Variants in CNTN2 observed in about 807,000 individuals in gnomAD.
The protein encoded by CNTN2 is contactin 2.
Under a neutral mutation model 117.5 loss-of-function variants are expected in CNTN2, and 53 were observed. The observed-to-expected ratio is 0.45, with a 90% confidence interval of 0.36 to 0.57. The LOEUF (loss-of-function observed/expected upper bound fraction) is 0.57. Among genes scored for constraint, CNTN2 ranks in the 20% least tolerant of loss-of-function variants. The pLI is 0.00. For missense variants in CNTN2, 1,106 were observed against 1,404.3 expected (o/e 0.79, Z 3.39); for synonymous variants, 530 against 561.7 (o/e 0.94, Z 0.80).
At chr1:205,046,472 C>T (rs2096441736) in intron 1 of CNTN2, among the ~76,000 whole-genome samples, 1 of 152,210 alleles carries the variant, frequency 6.6e-6, no homozygotes, top group African/African-American at 2.4e-5. Flanking sequence ...GGTTCTCCCA[C>T]CCTGTGCCTG....
chr1:205,055,800 A>G (rs1384452544), intron 2 of CNTN2, among the ~76,000 whole-genome samples: 4 of 152,244 alleles, frequency 2.6e-5, no homozygotes, highest in Non-Finnish European at 5.9e-5. Context: ...TGTCAGGAAA[A>G]TAAGAAAATG....
chr1:205,069,810 A>G lies in CNTN2; in HGVS notation c.2197-17A>G, dbSNP rs750197529. ...CATGCCGCGGACCCTCGCCCATGCC[A>G]TGCTCTTGCCCCTCAGCCCATGTCA... On this transcript the variant is annotated splice_polypyrimidine_tract_variant and intron_variant, in intron 17 of 22. Coordinates refer to ENST00000331830, the MANE Select transcript of CNTN2 (RefSeq NM_005076.5). The G allele has an allele frequency of 1.2e-6, 2 of 1,608,720 alleles. No individual in the cohort carries two copies. The highest frequency in any genetic ancestry group is 1.7e-6 in the Non-Finnish European group (2 of 1,175,734).
intron 1 of CNTN2, among the ~76,000 whole-genome samples, chr1:205,047,187 T>C (rs1019426648): frequency 7.9e-5 from 12 of 152,102 alleles, no homozygotes; most frequent in African/African-American, 1.2e-4. Flanking sequence ...CTGGTCCCCA[T>C]TGGGGCTGAG....
chr1:205,072,239 T>C, intron 20 of CNTN2, 106 bp downstream of exon 20: 1 of 1,203,886 alleles, frequency 8.3e-7, no homozygotes, highest in Non-Finnish European at 1.2e-6. Flanking sequence ...GCCCACCAGC[T>C]CTGGGCTGAA....
chr1:205,062,142 T>C, intron 9 of CNTN2, 141 bp downstream of exon 9: 1 of 1,055,730 alleles, frequency 9.5e-7, no homozygotes, highest in Non-Finnish European at 1.3e-6. Context: ...TAGGACCACC[T>C]AAGGACTTCT....
chr1:205,063,180 A>T (rs576976466), intron 10 of CNTN2: 1 of 152,264 alleles, frequency 6.6e-6, no homozygotes, highest in Admixed American at 6.5e-5. Flanking sequence ...TCCTTCATCC[A>T]TTCAACCACT....
At chr1:205,063,936 T>C (rs1654123316) in intron 10 of CNTN2, among the ~76,000 whole-genome samples, 2 of 151,830 alleles carry the variant, frequency 1.3e-5, no homozygotes, top group African/African-American at 4.8e-5. Context: ...GATTGGAACA[T>C]AATGAATGGG....
chr1:205,044,743 G>C (rs6660593), intron 1 of CNTN2, among the ~76,000 whole-genome samples: 1 of 152,022 alleles, frequency 6.6e-6, no homozygotes, highest in African/African-American at 2.4e-5. Flanking sequence ...ACTGGAGATC[G>C]AGTGCAGCAA....
rs983881503 is a variant in CNTN2, at chr1:205,074,847, T to C, written c.*1082T>C. 25 of 398,530 alleles carry C rather than the reference T, an allele frequency of 6.3e-5. No homozygotes were observed. Among genetic ancestry groups the C allele is most frequent in the Non-Finnish European group, 1.0e-4 (23 of 226,090 alleles). The allele number at this position is 398,530 out of a possible 1,614,324, so 24.7% of individuals were successfully genotyped here. Reference sequence around the variant, plus strand: ...GGCAGAGGATAAATGTGGCCCTGCCTGCTCCCAGGTATACCTAGGACCACC... The same window carrying C: ...GGCAGAGGATAAATGTGGCCCTGCCCGCTCCCAGGTATACCTAGGACCACC... On this transcript the variant is annotated 3_prime_UTR_variant, in exon 23 of 23. Transcript: ENST00000331830.
In CNTN2 at chr1:205,065,269, C is replaced by T. The variant is rs1433018634; in HGVS notation, c.1695+7C>T. On this transcript the variant is annotated splice_region_variant and intron_variant, in intron 13 of 22. Coordinates refer to ENST00000331830, the MANE Select transcript of CNTN2 (RefSeq NM_005076.5). The surrounding 1 kb of genome is among the most constrained non-coding windows in gnomAD (Gnocchi z 4.1). ...CTACCGGAGAACTAATGTGGTGAGA[C>T]CTAGGGCCAGAGCCCCATGGCTTCT... is the stretch of plus-strand genomic sequence containing the variant. 3.1e-6 allele frequency: 5 copies of T among 1,613,854 alleles called. No individual in the cohort carries two copies. In the Admixed American group the frequency reaches 5.0e-5, roughly 16 times the overall value.
rs528954738 is a variant in CNTN2, at chr1:205,071,950, C to T, written c.2548C>T (p.Arg850Cys). 5.6e-5 allele frequency: 90 copies of T among 1,610,024 alleles called. 2 individuals are homozygous for T. The South Asian group carries it at 8.8e-4, about 16-fold the overall frequency. ...TGGGTACCCCCGCCTCCTTCAGATC[C>T]GCTACTGGAAAGCTGGGGACAAAGA... ...MNGILLGYEI[R>C]YWKAGDKEAA... is the part of the protein sequence containing the mutation. The change falls in exon 20 of 23, where the codon CGC (arginine) becomes TGC (cysteine). Residue 850 changes from arginine (R) to cysteine (C), a missense_variant. Arg to Cys is a radical substitution (Grantham distance 180, BLOSUM62 -3). Coordinates refer to ENST00000331830, the MANE Select transcript of CNTN2 (RefSeq NM_005076.5).
Position 205,075,127 on chromosome 1 carries a change from G to A in CNTN2, c.*1362G>A, listed in dbSNP as rs1472445983. 1 of 386,324 alleles carries A rather than the reference G, an allele frequency of 2.6e-6. No individual in the cohort carries two copies. The highest frequency in any genetic ancestry group is 2.1e-5 in the African/African-American group (1 of 48,408). The allele number at this position is 386,324 out of a possible 1,614,324, so 23.9% of individuals were successfully genotyped here. ...AGATGGGGCTGGGTTAAGAACTCGA[G>A]TCTTCCACCTTTCTGTTCAAGGCTG... On this transcript the variant is annotated 3_prime_UTR_variant, in exon 23 of 23. Coordinates refer to ENST00000331830, the MANE Select transcript of CNTN2 (RefSeq NM_005076.5).
rs1026737782 is a variant in CNTN2, at chr1:205,065,872, G to A, written c.1779G>A (p.Val593=). ...ACACGTGCATGGCCCAGACGGTGGTGGACAGCGCGTCCAAGGAGGCCACAG... is the reference window on the plus strand; with the variant it reads ...ACACGTGCATGGCCCAGACGGTGGTAGACAGCGCGTCCAAGGAGGCCACAG... ...GKYTCMAQTV[V]DSASKEATVL... The change falls in exon 14 of 23, where the codon GTG becomes GTA. Residue 593 remains valine, a synonymous_variant. Transcript: ENST00000331830. This position sits in a 1 kb window ranked among gnomAD's most constrained non-coding sequence, Gnocchi z 4.1. 8.7e-6 allele frequency: 14 copies of A among 1,613,822 alleles called. No individual in the cohort carries two copies. The highest frequency in any genetic ancestry group is 1.3e-5 in the African/African-American group (1 of 74,882).
intron 18 of CNTN2, 182 bp from the exon 19 acceptor site, chr1:205,070,244 G>T: frequency 1.4e-6 from 1 of 725,616 alleles, no homozygotes. Context: ...TCGGGGTTAG[G>T]AAAAGGGAGG....
At chr1:205,047,557 G>A (rs901902297) in intron 1 of CNTN2, among the ~76,000 whole-genome samples, 3 of 152,142 alleles carry the variant, frequency 2.0e-5, no homozygotes, top group Non-Finnish European at 4.4e-5. Context: ...ATTGTACCAG[G>A]TATAACTCTG....
In CNTN2 at chr1:205,065,684, G is replaced by A. The variant is rs1388607908; in HGVS notation, c.1696-105G>A. ...CTGAGATCCAGTGGGGTCCATGGAT[G>A]TCATGGAGTAGGGGACTCCCAAGCG... On this transcript the variant is annotated intron_variant, in intron 13 of 22. Coordinates refer to ENST00000331830, the MANE Select transcript of CNTN2 (RefSeq NM_005076.5). This position sits in a 1 kb window ranked among gnomAD's most constrained non-coding sequence, Gnocchi z 4.1. The A allele has an allele frequency of 9.3e-5, 66 of 710,032 alleles. No homozygotes were observed. The highest frequency in any genetic ancestry group is 1.5e-4 in the Non-Finnish European group (65 of 435,918). 44.0% of individuals were successfully genotyped at this position (710,032 alleles called of 1,614,324 possible). A position where few individuals can be genotyped will look rare whatever the true frequency, so the allele number is the denominator to read the frequency against.
Position 205,058,565 on chromosome 1 carries a change from C to T in CNTN2, c.392-3C>T, listed in dbSNP as rs1341279495. On this transcript the variant is annotated splice_region_variant and splice_polypyrimidine_tract_variant and intron_variant, in intron 4 of 22. Transcript: ENST00000331830. The surrounding 1 kb of genome is among the most constrained non-coding windows in gnomAD (Gnocchi z 4.3). ...TGCCTGAGCCCCTGGTCTCTGCCTC[C>T]AGTTCTGCAGGAATTCTCCAAGGAG... The T allele has an allele frequency of 6.2e-7, 1 of 1,613,584 alleles. No homozygotes were observed. The highest frequency in any genetic ancestry group is 1.1e-5 in the South Asian group (1 of 91,036).
chr1:205,052,803 A>G (rs1249588041), intron 1 of CNTN2, among the ~76,000 whole-genome samples: 1 of 152,004 alleles, frequency 6.6e-6, no homozygotes, highest in African/African-American at 2.4e-5. Flanking sequence ...GTGGGTTCTT[A>G]CCTCCCAATT....
At chr1:205,070,098 C>T (rs1265361372) in intron 18 of CNTN2, 37 bp downstream of exon 18, 1 of 1,592,376 alleles carries the variant, frequency 6.3e-7, no homozygotes, top group Non-Finnish European at 8.6e-7. Context: ...GTCCCTACCC[C>T]AGCCACTTGT....
Sources: gnomAD v4.1 joint callset for allele counts (sites outside exome capture counted in the v4.1 genomes callset) on GRCh38, gnomAD v4.1.1 for gene constraint, Gnocchi (gnomAD v3.1) non-coding constraint, MANE v1.5 for transcripts, NCBI Gene and HGNC (gene_info 2026-07-23, HGNC 2026-07-21) for gene names.